NIN: variants seen among roughly 807,000 people sequenced by gnomAD.
The protein encoded by NIN is ninein, also known as glycogen synthase kinase 3 beta-interacting protein.
A neutral mutation model predicts 257.6 loss-of-function variants in NIN; 137 were observed. That is an observed-to-expected ratio of 0.53 (90% CI 0.46 to 0.61). The LOEUF is 0.61. NIN is among the 20% of genes least tolerant of loss of function. NIN has a pLI of 0.00. For synonymous variants in NIN, 918 were observed against 919.8 expected, an observed-to-expected ratio of 1.00 and a Z score of 0.04; for missense variants, 2,439 against 2,501.2, an observed-to-expected ratio of 0.98 and a Z score of 0.53.
Position 50,757,150 on chromosome 14 carries a change from G to C in NIN, c.3880C>G (p.Leu1294Val). 1 of 1,612,554 alleles carries C rather than the reference G, an allele frequency of 6.2e-7. No individual in the cohort carries two copies. Among genetic ancestry groups the C allele is most frequent in the Non-Finnish European group, 8.5e-7 (1 of 1,179,580 alleles). The change falls in exon 18 of 31, where the codon CTG (leucine) becomes GTG (valine). Residue 1294 changes from leucine (L) to valine (V), a missense_variant. Physicochemically the swap from Leu to Val is conservative, Grantham distance 32 (BLOSUM62 1). Transcript: ENST00000530997. ...TCAGTGACTTCCTCCATTTTCTTCA[G>C]CTCATCCTGCAACCTGAAAACCTCT... ...TAEVFRLQDELKKMEEVTETF... is the reference protein window; with the variant it reads ...TAEVFRLQDEVKKMEEVTETF...
chr14:50,747,894 G>T, intron 22 of NIN, 98 bp downstream of exon 22: 1 of 805,316 alleles, frequency 1.2e-6, no homozygotes. Flanking sequence ...GACAGAACTT[G>T]GTACAAAGGA....
intron 3 of NIN, among the ~76,000 whole-genome samples, chr14:50,816,605 T>A (rs2044910091): frequency 6.6e-6 from 1 of 152,138 alleles, no homozygotes; most frequent in Non-Finnish European, 1.5e-5. Context: ...AAATGAGTCA[T>A]CTGACCTTGG....
chr14:50,760,591 C>G (rs1020616629), intron 16 of NIN, among the ~76,000 whole-genome samples: 2 of 152,108 alleles, frequency 1.3e-5, no homozygotes, highest in African/African-American at 4.8e-5. Context: ...GTCTGAACAA[C>G]CTTATTAAGA....
intron 2 of NIN, 34 bp from the exon 3 acceptor site, chr14:50,822,111 G>A (rs1595945977): frequency 1.3e-6 from 2 of 1,515,654 alleles, no homozygotes; most frequent in South Asian, 1.2e-5. Flanking sequence ...ACAGGTTGTG[G>A]CAGCCTCTCC....
At chr14:50,756,406 G>T in intron 18 of NIN, 86 bp downstream of exon 18, 6 of 1,430,578 alleles carry the variant, frequency 4.2e-6, no homozygotes, top group Non-Finnish European at 4.7e-6. Flanking sequence ...TACTAGGTTA[G>T]TTTCTCTAGG....
rs142725242 is a variant in NIN at position 50,734,090 on chromosome 14, T to A, written c.5877+1426A>T. ...CATTTCTTCTTTTTCTTCTTTATTT[T>A]TTTTTTTTTTTCTTTTTGAGATGGA... is the stretch of plus-strand genomic sequence containing the variant. On this transcript the variant is annotated intron_variant, in intron 28 of 30. Coordinates refer to ENST00000530997, the MANE Select transcript of NIN (RefSeq NM_020921.4). Among the ~76,000 whole-genome samples the A allele has an allele frequency of 9.8e-3, 1,492 of 151,652 alleles. 16 individuals carry two copies. The highest frequency in any genetic ancestry group is 0.029 in the African/African-American group (1,182 of 41,416).
At chr14:50,823,125 G>T in intron 2 of NIN, 1 of 517,100 alleles carries the variant, frequency 1.9e-6, no homozygotes, top group Non-Finnish European at 3.9e-6. Flanking sequence ...TAAAATTCCA[G>T]GTAGCTCGTA....
chr14:50,806,079 A>G (rs2044312663), intron 4 of NIN: 1 of 152,256 alleles, frequency 6.6e-6, no homozygotes. Flanking sequence ...TTACATTACA[A>G]TTGGCAACAA....
chr14:50,750,339 T>G (rs2041734794), intron 21 of NIN, among the ~76,000 whole-genome samples: 1 of 152,148 alleles, frequency 6.6e-6, no homozygotes, highest in Admixed American at 6.5e-5. Context: ...AAACCATGAG[T>G]TTATCCAAAT....
chr14:50,783,693 ATT>A, intron 5 of NIN, among the ~76,000 whole-genome samples: 1 of 152,018 alleles, frequency 6.6e-6, no homozygotes, highest in African/African-American at 2.4e-5. Context: ...CAGCTCATTT[ATT>A]TTCATTCTCA....
chr14:50,792,790 C>T lies in NIN; in HGVS notation c.357G>A (p.Glu119=). 6.2e-7 allele frequency: 1 copy of T among 1,614,212 alleles called. No individual in the cohort carries two copies. Among genetic ancestry groups the T allele is most frequent in the South Asian group, 1.1e-5 (1 of 91,088 alleles). Residue 119 remains glutamate (E), a synonymous_variant, in exon 5 of 31, where the codon GAG becomes GAA. Coordinates refer to ENST00000530997, the MANE Select transcript of NIN (RefSeq NM_020921.4). The stretch of plus-strand genomic sequence containing the variant: ...GCTCAATCACCGTCACTTCAGGAAA[C>T]TCCTCCACGGACTCTTGGAACTCGG... The part of the protein sequence containing the change: ...SLPEFQESVE[E]FPEVTVIEPL...
In NIN at chr14:50,758,197, T is replaced by G. The variant is rs982894561; in HGVS notation, c.2833A>C (p.Lys945Gln). 1.9e-6 allele frequency: 3 copies of G among 1,614,102 alleles called. No individual in the cohort carries two copies. In the African/African-American group the frequency reaches 4.0e-5, roughly 22 times the overall value. ...TCCTCACGCTCCCTCAGTTCCCTTT[T>G]GTGACTGCTCTTCAGCTCAAGTATC... ...DQILELKSSHKRELREREEVL... is the reference protein window; with the variant it reads ...DQILELKSSHQRELREREEVL... The change falls in exon 18 of 31, where the codon AAA becomes CAA. Residue 945 changes from lysine (K) to glutamine (Q), a missense_variant. Coordinates refer to ENST00000530997, the MANE Select transcript of NIN (RefSeq NM_020921.4).
intron 7 of NIN, among the ~76,000 whole-genome samples, chr14:50,773,713 G>A (rs1219906648): frequency 6.6e-6 from 1 of 152,234 alleles, no homozygotes; most frequent in Non-Finnish European, 1.5e-5. Context: ...AAGACTTTAT[G>A]TGTGTGCAAT....
rs1187258670 is a variant in NIN, at chr14:50,831,150, G to T, written c.-220C>A. ...CGGCCACCCGGAGCTCTGGACGCCG[G>T]GGAGGAAGGGCCGGGCCCGCGCGGG... is the stretch of plus-strand genomic sequence containing the variant. On this transcript the variant is annotated 5_prime_UTR_variant, in exon 1 of 31. Coordinates refer to ENST00000530997, the MANE Select transcript of NIN (RefSeq NM_020921.4). 1.3e-5 allele frequency: 2 copies of T among 150,430 alleles called. No individual in the cohort carries two copies. Among genetic ancestry groups the T allele is most frequent in the African/African-American group, 2.4e-5 (1 of 41,242 alleles). The allele number at this position is 150,430 out of a possible 1,614,324, so 9.3% of individuals were successfully genotyped here. A position where few individuals can be genotyped will look rare whatever the true frequency, so the allele number is the denominator to read the frequency against.
chr14:50,810,103 C>T (rs993009014), intron 3 of NIN, among the ~76,000 whole-genome samples: 8 of 151,956 alleles, frequency 5.3e-5, no homozygotes, highest in East Asian at 1.9e-4. Context: ...TGGTGGCGGG[C>T]GCCTGTAGTC....
intron 4 of NIN, among the ~76,000 whole-genome samples, chr14:50,799,932 A>T (rs2044012109): frequency 6.6e-6 from 1 of 151,908 alleles, no homozygotes. Context: ...CCGAGATTGC[A>T]CCATTGCATT....
chr14:50,786,788 C>G (rs1007624754), intron 5 of NIN, among the ~76,000 whole-genome samples: 12 of 152,282 alleles, frequency 7.9e-5, no homozygotes, highest in Middle Eastern at 3.4e-3. Context: ...AAGATCTTAG[C>G]AGAACTTCTC....
chr14:50,801,346 C>T (rs1034210820), intron 4 of NIN, among the ~76,000 whole-genome samples: 19 of 152,218 alleles, frequency 1.2e-4, no homozygotes, highest in African/African-American at 3.9e-4. Context: ...CTGTCTCACC[C>T]TCTCAAAGTC....
intron 3 of NIN, among the ~76,000 whole-genome samples, chr14:50,811,366 C>T (rs936005659): frequency 6.6e-6 from 1 of 151,974 alleles, no homozygotes; most frequent in South Asian, 2.1e-4. Flanking sequence ...GTCACGGCCT[C>T]CCAAAGTGTT....
Sources: gnomAD v4.1 joint callset for allele counts (sites outside exome capture counted in the v4.1 genomes callset) on GRCh38, gnomAD v4.1.1 for gene constraint, MANE v1.5 for transcripts, NCBI Gene and HGNC (gene_info 2026-07-23, HGNC 2026-07-21) for gene names.